The following LMF1 variants were observed in gnomAD, a reference collection of about 807,000 sequenced individuals.
LMF1 encodes the protein lipase maturation factor 1, also known as transmembrane protein 112.
A neutral mutation model predicts 60.6 loss-of-function variants in LMF1; 68 were observed. That is an observed-to-expected ratio of 1.12 (90% CI 0.92 to 1.37). The LOEUF is 1.37. LMF1 is among the 40% of genes most tolerant of loss of function. The probability of loss-of-function intolerance (pLI) is 0.00; values close to 1 mark genes in which losing one functional copy is unlikely to be tolerated. For missense variants in LMF1, 948 were observed against 767.2 expected (o/e 1.24, Z -2.78); for synonymous variants, 418 against 324.7 (o/e 1.29, Z -3.09).
chr16:925,211 A>C (rs1334339617), intron 3 of LMF1, among the ~76,000 whole-genome samples: 2 of 152,238 alleles, frequency 1.3e-5, no homozygotes. Context: ...CATACAGTTA[A>C]AAACAATTAA....
chr16:871,016 C>T, intron 7 of LMF1, 134 bp from the exon 8 acceptor site: 4 of 1,402,412 alleles, frequency 2.9e-6, no homozygotes, highest in South Asian at 1.4e-5. Context: ...CGAACTCACA[C>T]ACCTTGTTCC....
chr16:919,962 C>T (rs1029623980), intron 3 of LMF1, among the ~76,000 whole-genome samples: 1 of 152,216 alleles, frequency 6.6e-6, no homozygotes, highest in Non-Finnish European at 1.5e-5. Context: ...CGGACACCAC[C>T]TCCAGGGCCT....
intron 2 of LMF1, among the ~76,000 whole-genome samples, chr16:943,262 T>G (rs1396873674): frequency 6.6e-6 from 1 of 151,058 alleles, no homozygotes; most frequent in Non-Finnish European, 1.5e-5. Context: ...TCCCAGCTAC[T>G]CAGGAGGCTG....
chr16:974,383 T>C (rs71380228), upstream of LMF1, among the ~76,000 whole-genome samples: 27,934 of 151,850 alleles, frequency 0.18, 2,800 homozygotes, highest in South Asian at 0.33. Flanking sequence ...GAGGAGGGCG[T>C]CCTGAGAGTG....
At chr16:959,931 T>A (rs921015031) in intron 1 of LMF1, among the ~76,000 whole-genome samples, 3 of 150,820 alleles carry the variant, frequency 2.0e-5, no homozygotes, top group Non-Finnish European at 4.4e-5. Context: ...GTCAGAGTCA[T>A]CGGCATGGAC....
chr16:952,217 C>A (rs1480894847), intron 2 of LMF1, among the ~76,000 whole-genome samples: 1 of 152,172 alleles, frequency 6.6e-6, no homozygotes, highest in Admixed American at 6.5e-5. Context: ...ACACCAGCAA[C>A]TGGACCTGGC....
At chr16:855,889 A>G (rs1017969590) in intron 10 of LMF1, 2 of 455,806 alleles carry the variant, frequency 4.4e-6, no homozygotes, top group Non-Finnish European at 8.8e-6. Context: ...CATGCCCCTT[A>G]GGCTGGCAGG....
At chr16:866,560 T>C (rs1356640188) in intron 10 of LMF1, among the ~76,000 whole-genome samples, 1 of 152,176 alleles carries the variant, frequency 6.6e-6, no homozygotes, top group African/African-American at 2.4e-5. Flanking sequence ...CGGGGGATCC[T>C]TCCTGCCCAC....
chr16:870,705 G>A (rs747296907), intron 8 of LMF1, 24 bp downstream of exon 8: 5 of 1,611,750 alleles, frequency 3.1e-6, no homozygotes, highest in African/African-American at 2.7e-5. Context: ...CCAGCTCCGG[G>A]GGACGGGGAC....
At chr16:949,565 G>T (rs1219376060) in intron 2 of LMF1, among the ~76,000 whole-genome samples, 1 of 139,676 alleles carries the variant, frequency 7.2e-6, no homozygotes, top group South Asian at 2.5e-4. Context: ...CAGAGACAAT[G>T]ACAGAGTCAG....
chr16:873,650 T>TA (rs767060966), intron 6 of LMF1: 22 of 150,128 alleles, frequency 1.5e-4, no homozygotes, highest in East Asian at 7.9e-4. Context: ...AGGACACCCC[T>TA]GCGCTCGCGG....
At chr16:894,424 T>TC (rs1596931938) in intron 4 of LMF1, among the ~76,000 whole-genome samples, 1 of 95,676 alleles carries the variant, frequency 1.0e-5, no homozygotes, top group African/African-American at 4.1e-5. Flanking sequence ...CGTCGACTCA[T>TC]CCCCTGTCCA....
chr16:854,760 C>T, intron 10 of LMF1, 54 bp from the exon 11 acceptor site: 2 of 1,488,892 alleles, frequency 1.3e-6, no homozygotes, highest in African/African-American at 2.8e-5. Context: ...GGCCCCCGAC[C>T]CGGCTCCTCA....
rs1232412689 is a variant in LMF1 at position 853,973 on chromosome 16, A to C, written c.*559T>G. On this transcript the variant is annotated 3_prime_UTR_variant, in exon 11 of 11. Coordinates refer to ENST00000262301, the MANE Select transcript of LMF1 (RefSeq NM_022773.4). Reference sequence around the variant, plus strand: ...GTAGGCTGTGGCGGGGGTGGAGATGAGGGATAGGACAGAAAATGGCCCATC... The same window carrying C: ...GTAGGCTGTGGCGGGGGTGGAGATGCGGGATAGGACAGAAAATGGCCCATC... The C allele has an allele frequency of 2.2e-6, 1 of 453,942 alleles. No individual in the cohort carries two copies. Among genetic ancestry groups the C allele is most frequent in the Admixed American group, 2.4e-5 (1 of 42,546 alleles). 28.1% of individuals were successfully genotyped at this position (453,942 alleles called of 1,614,324 possible).
At chr16:944,591 G>C (rs1281175124) in intron 2 of LMF1, among the ~76,000 whole-genome samples, 2 of 152,182 alleles carry the variant, frequency 1.3e-5, no homozygotes, top group Non-Finnish European at 2.9e-5. Context: ...TGTGCCCTCT[G>C]GTATTTCACT....
At chr16:981,545 A>C (rs2073377897), upstream of LMF1, 1 of 161,748 alleles carries the variant, frequency 6.2e-6, no homozygotes, top group Non-Finnish European at 1.4e-5. Context: ...CCGGGGCTCC[A>C]GAGAGGGGAG....
At position 879,590 on chromosome 16, in the gene LMF1, C is replaced by A. The variant is rs553406973; in HGVS notation, c.877G>T (p.Val293Leu). Residue 293 changes from valine to leucine, a missense_variant, in exon 6 of 11, where the codon GTG (valine) becomes TTG (leucine). Transcript: ENST00000262301. ...LGRRACIIHG[V>L]LQILFQAVLI... ...CTCACCTGGAACAGGATCTGCAGCACCCCGTGGATGATGCACGCCCGCCGG... is the reference window on the plus strand; with the variant it reads ...CTCACCTGGAACAGGATCTGCAGCAACCCGTGGATGATGCACGCCCGCCGG... The A allele has an allele frequency of 1.2e-6, 2 of 1,613,088 alleles. No homozygotes were observed. Among genetic ancestry groups the A allele is most frequent in the South Asian group, 2.2e-5 (2 of 91,032 alleles).
intron 3 of LMF1, among the ~76,000 whole-genome samples, chr16:911,794 G>A (rs1186859475): frequency 6.6e-6 from 1 of 152,092 alleles, no homozygotes; most frequent in African/African-American, 2.4e-5. Context: ...ATGGAAGCCA[G>A]GCAAGGATGC....
At chr16:971,029 C>A (rs1302004124), upstream of LMF1, 11 of 1,363,192 alleles carry the variant, frequency 8.1e-6, no homozygotes, top group Non-Finnish European at 1.0e-5. Flanking sequence ...TCGGAGGCCC[C>A]GCCCATTCTC....
Sources: allele counts gnomAD v4.1 joint callset (sites outside exome capture counted in the v4.1 genomes callset), GRCh38; gene constraint gnomAD v4.1.1; transcripts MANE v1.5; gene names NCBI Gene and HGNC (gene_info 2026-07-23, HGNC 2026-07-21).